ZNF652: variants seen among roughly 807,000 people sequenced by gnomAD.
ZNF652 encodes the protein zinc finger protein 652.
A neutral mutation model predicts 45.2 loss-of-function variants in ZNF652; 16 were observed. The ratio of observed to expected loss-of-function variants is 0.35; its 90% CI spans 0.24 to 0.54. The LOEUF (loss-of-function observed/expected upper bound fraction) is 0.54, where lower values mean the gene tolerates loss of function less well. Among genes scored for constraint, ZNF652 ranks in the 20% least tolerant of loss-of-function variants. The pLI, the probability that ZNF652 is intolerant of heterozygous loss-of-function variation, is 0.91. For synonymous variants in ZNF652, 250 were observed against 260.6 expected (o/e 0.96, Z 0.39); for missense variants, 614 against 765.6 (o/e 0.80, Z 2.34).
intron 1 of ZNF652, among the ~76,000 whole-genome samples, chr17:49,337,593 T>C (rs529260025): frequency 1.7e-4 from 26 of 152,280 alleles, no homozygotes; most frequent in Non-Finnish European, 3.5e-4. Context: ...ATCCAGTATA[T>C]CTGTCTTAGA....
At chr17:49,336,107 C>T (rs185603335) in intron 1 of ZNF652, among the ~76,000 whole-genome samples, 2,519 of 152,176 alleles carry the variant, frequency 0.017, 69 homozygotes, top group African/African-American at 0.057. Context: ...TCACTGCAAC[C>T]TCCGCCTCCT....
rs541231969 is a variant in ZNF652, at chr17:49,312,837, G to C, written c.909C>G (p.Ser303=). ...TDCEKNIQCV[S]CNKSFKKLWS... ...AGAGTTTCTTGAACGATTTGTTACAGGAAACACACTGAGCAGGATAAATAG... is the reference window on the plus strand; with the variant it reads ...AGAGTTTCTTGAACGATTTGTTACACGAAACACACTGAGCAGGATAAATAG... The change falls in exon 3 of 6, where the codon TCC becomes TCG. Residue 303 remains serine (S), a synonymous_variant. Coordinates refer to ENST00000430262, the MANE Select transcript of ZNF652 (RefSeq NM_001145365.3). 6.2e-7 allele frequency: 1 copy of C among 1,613,674 alleles called. No homozygotes were observed. The highest frequency in any genetic ancestry group is 1.7e-5 in the Admixed American group (1 of 59,958).
At chr17:49,361,304 C>G (rs1231891959) in intron 1 of ZNF652, 1 of 152,224 alleles carries the variant, frequency 6.6e-6, no homozygotes, top group South Asian at 2.1e-4. Context: ...GGGGGTGTCA[C>G]TACCTTTGGT....
rs2069832484 is a variant in ZNF652 at position 49,317,848 on chromosome 17, TCC to T, written c.-125_-124del. The T allele has an allele frequency of 6.4e-5, 71 of 1,101,320 alleles. No homozygotes were observed. The highest frequency in any genetic ancestry group is 8.6e-5 in the Non-Finnish European group (69 of 805,558). The allele number at this position is 1,101,320 out of a possible 1,614,324, so 68.2% of individuals were successfully genotyped here. ...AATCACTCAAATGAAAAAAAGATATTCCTGGAAACTGTGTGCAATTCTTCCAG... is the reference window on the plus strand; with the variant it reads ...AATCACTCAAATGAAAAAAAGATATTTGGAAACTGTGTGCAATTCTTCCAG... On this transcript the variant is annotated 5_prime_UTR_variant, in exon 2 of 6. The change abolishes the stop of an existing upstream ORF in the 5' untranslated region. Coordinates refer to ENST00000430262, the MANE Select transcript of ZNF652 (RefSeq NM_001145365.3).
chr17:49,335,621 C>T (rs1294426055), intron 1 of ZNF652, among the ~76,000 whole-genome samples: 1 of 152,054 alleles, frequency 6.6e-6, no homozygotes, highest in African/African-American at 2.4e-5. Context: ...TTATTTGTTA[C>T]TAATCAAATA....
At position 49,316,990 on chromosome 17, in the gene ZNF652, T is replaced by A; in HGVS notation, c.736A>T (p.Thr246Ser). 6.2e-7 allele frequency: 1 copy of A among 1,614,098 alleles called. No individual in the cohort carries two copies. The highest frequency in any genetic ancestry group is 8.5e-7 in the Non-Finnish European group (1 of 1,180,020). ...KAKCEEKETLTCEKCPRVFNT... is the reference protein window; with the variant it reads ...KAKCEEKETLSCEKCPRVFNT... ...AATACCCTGGGGCACTTCTCACAGG[T>A]CAGAGTCTCTTTCTCTTCACACTTA... Residue 246 changes from threonine to serine, a missense_variant, in exon 2 of 6, where the codon ACC (threonine) becomes TCC (serine). Physicochemically the swap from Thr to Ser is moderately conservative, Grantham distance 58. This residue lies in a region of ZNF652 where 262 missense variants were observed against 306.3 expected (regional missense o/e 0.86). Coordinates refer to ENST00000430262, the MANE Select transcript of ZNF652 (RefSeq NM_001145365.3).
In ZNF652 at chr17:49,289,262, G is replaced by A. The variant is rs1159694163; in HGVS notation, c.*9151C>T. 6.7e-6 allele frequency: 1 copy of A among 148,200 alleles called. No homozygotes were observed. The highest frequency in any genetic ancestry group is 2.5e-5 in the African/African-American group (1 of 39,902). The allele number at this position is 148,200 out of a possible 1,614,324, so 9.2% of individuals were successfully genotyped here. ...GAACATTAGCATTAAGTTGGTTACC[G>A]TACACATCCAAAGGCCCAGCATCTC... is the stretch of plus-strand genomic sequence containing the variant. On this transcript the variant is annotated 3_prime_UTR_variant, in exon 6 of 6. Transcript: ENST00000430262.
intron 1 of ZNF652, among the ~76,000 whole-genome samples, chr17:49,356,225 A>C (rs532514770): frequency 6.6e-6 from 1 of 152,170 alleles, no homozygotes; most frequent in African/African-American, 2.4e-5. Flanking sequence ...CAGGAGTTCA[A>C]GACCAGCCTG....
At position 49,357,253 on chromosome 17, in the gene ZNF652, C is replaced by A. The variant is rs969885104; in HGVS notation, c.-259+4656G>T. Reference sequence around the variant, plus strand: ...GAAGGAGGTTGCAGTGAGCTGAGATCATGCCACTGCACTCCAGCCTGGGCA... The same window carrying A: ...GAAGGAGGTTGCAGTGAGCTGAGATAATGCCACTGCACTCCAGCCTGGGCA... On this transcript the variant is annotated intron_variant, in intron 1 of 5. Coordinates refer to ENST00000430262, the MANE Select transcript of ZNF652 (RefSeq NM_001145365.3). Among the ~76,000 whole-genome samples, 3 of 151,496 alleles carry A rather than the reference C, an allele frequency of 2.0e-5. No homozygotes were observed. In the East Asian group the frequency reaches 5.8e-4, roughly 29 times the overall value.
At chr17:49,357,912 G>A (rs2070354294) in intron 1 of ZNF652, among the ~76,000 whole-genome samples, 1 of 152,176 alleles carries the variant, frequency 6.6e-6, no homozygotes, top group South Asian at 2.1e-4. Flanking sequence ...TATGCTCCAA[G>A]TCAAATATTT....
At chr17:49,326,241 TAAAAAAAAAA>T (rs56916451) in intron 1 of ZNF652, among the ~76,000 whole-genome samples, 1 of 94,074 alleles carries the variant, frequency 1.1e-5, no homozygotes, top group African/African-American at 4.0e-5. Context: ...ACCCCATCTC[TAAAAAAAAAA>T]AAAAAAAAAA....
rs1048580418 is a variant in ZNF652, at chr17:49,362,238, G to C, written c.-588C>G. 6.7e-6 allele frequency: 1 copy of C among 150,374 alleles called. No homozygotes were observed. The allele number at this position is 150,374 out of a possible 1,614,324, so 9.3% of individuals were successfully genotyped here. A position where few individuals can be genotyped will look rare whatever the true frequency, so the allele number is the denominator to read the frequency against. Reference sequence around the variant, plus strand: ...GGATGTGTGTGCCGGAGGGGGCAGGGAGGGAGGCGAGCGGCGGCGAGGACG... The same window carrying C: ...GGATGTGTGTGCCGGAGGGGGCAGGCAGGGAGGCGAGCGGCGGCGAGGACG... On this transcript the variant is annotated 5_prime_UTR_variant, in exon 1 of 6. Coordinates refer to ENST00000430262, the MANE Select transcript of ZNF652 (RefSeq NM_001145365.3).
intron 1 of ZNF652, among the ~76,000 whole-genome samples, chr17:49,361,455 G>A (rs1316279553): frequency 6.6e-6 from 1 of 152,124 alleles, no homozygotes; most frequent in East Asian, 1.9e-4. Flanking sequence ...ATCTACTGGC[G>A]GCACAATACT....
rs372686734 is a variant in ZNF652, at chr17:49,298,363, G to A, written c.*50C>T. On this transcript the variant is annotated 3_prime_UTR_variant, in exon 6 of 6. Coordinates refer to ENST00000430262, the MANE Select transcript of ZNF652 (RefSeq NM_001145365.3). ...ATGCTCACCGACTCCCTCTGTGCAC[G>A]CTCACACATGGGGACGTGTCTCCTG... The A allele has an allele frequency of 1.3e-5, 21 of 1,606,606 alleles. No individual in the cohort carries two copies. Among genetic ancestry groups the A allele is most frequent in the Admixed American group, 3.4e-5 (2 of 59,594 alleles).
chr17:49,326,645 G>C (rs2069959408), intron 1 of ZNF652, among the ~76,000 whole-genome samples: 1 of 152,148 alleles, frequency 6.6e-6, no homozygotes, highest in African/African-American at 2.4e-5. Context: ...CCCCACCCCT[G>C]GAGAGGGCCT....
intron 1 of ZNF652, among the ~76,000 whole-genome samples, chr17:49,345,779 T>C (rs370993929): frequency 6.7e-6 from 1 of 149,274 alleles, no homozygotes; most frequent in South Asian, 2.1e-4. Context: ...AGGCAGAGTT[T>C]GCAGTGAGCC....
chr17:49,288,717 T>C (rs1042960861), downstream of ZNF652, among the ~76,000 whole-genome samples: 1 of 152,186 alleles, frequency 6.6e-6, no homozygotes, highest in Admixed American at 6.5e-5. Context: ...CTAATAAACA[T>C]TTGTGGAATA....
At position 49,296,582 on chromosome 17, in the gene ZNF652, T is replaced by C. The variant is rs1764179172; in HGVS notation, c.*1831A>G. 6.6e-6 allele frequency: 1 copy of C among 152,224 alleles called. No homozygotes were observed. The highest frequency in any genetic ancestry group is 1.5e-5 in the Non-Finnish European group (1 of 68,034). 9.4% of individuals were successfully genotyped at this position (152,224 alleles called of 1,614,324 possible). A position where few individuals can be genotyped will look rare whatever the true frequency, so the allele number is the denominator to read the frequency against. On this transcript the variant is annotated 3_prime_UTR_variant, in exon 6 of 6. Transcript: ENST00000430262. Reference sequence around the variant, plus strand: ...ATGAAGAAATTTCAAGATTAAAAAATGGACTGGGCATGGTAGCATGCACCT... The same window carrying C: ...ATGAAGAAATTTCAAGATTAAAAAACGGACTGGGCATGGTAGCATGCACCT...
intron 1 of ZNF652, among the ~76,000 whole-genome samples, chr17:49,348,381 G>A (rs2070230001): frequency 6.6e-6 from 1 of 151,626 alleles, no homozygotes; most frequent in Admixed American, 6.6e-5. Context: ...AGCTACTTGG[G>A]AGGCTGAAGC....
Sources: gnomAD v4.1 joint callset for allele counts (sites outside exome capture counted in the v4.1 genomes callset) on GRCh38, gnomAD v4.1.1 for gene constraint, gnomAD v4.1.1 regional missense constraint, MANE v1.5 for transcripts, NCBI Gene and HGNC (gene_info 2026-07-23, HGNC 2026-07-21) for gene names.